The following NUBPL variants were observed in gnomAD, a reference collection of about 807,000 sequenced individuals.
The protein encoded by NUBPL is NUBP iron-sulfur cluster assembly factor, mitochondrial, also known as iron-sulfur cluster transfer protein NUBPL.
Under a neutral mutation model 45.7 loss-of-function variants are expected in NUBPL, and 31 were observed. That is an observed-to-expected ratio of 0.68 (90% CI 0.51 to 0.92). The LOEUF (loss-of-function observed/expected upper bound fraction) is 0.92, where lower values mean the gene tolerates loss of function less well. Ranked by LOEUF, NUBPL falls within the 40% of genes least tolerant of loss-of-function variation. NUBPL has a pLI of 0.00. For missense variants in NUBPL, 401 were observed against 398.7 expected, an observed-to-expected ratio of 1.01 and a Z score of -0.05; for synonymous variants, 144 against 140.9, an observed-to-expected ratio of 1.02 and a Z score of -0.15.
chr14:31,715,995 A>AT (rs979437787), intron 6 of NUBPL, among the ~76,000 whole-genome samples: 6 of 151,316 alleles, frequency 4.0e-5, no homozygotes, highest in African/African-American at 1.5e-4. Flanking sequence ...TTCTGTTAAA[A>AT]TTTTTTTTTC....
At chr14:31,566,685 C>G (rs1247499089) in intron 3 of NUBPL, among the ~76,000 whole-genome samples, 3 of 151,874 alleles carry the variant, frequency 2.0e-5, no homozygotes, top group Non-Finnish European at 4.4e-5. Context: ...GTGACTAACA[C>G]CAGCAAAATT....
At chr14:31,666,453 C>T (rs920298998) in intron 4 of NUBPL, among the ~76,000 whole-genome samples, 54 of 151,150 alleles carry the variant, frequency 3.6e-4, no homozygotes, top group African/African-American at 9.2e-4. Context: ...TTAGTAGAGA[C>T]AGGGTTTGAC....
intron 6 of NUBPL, among the ~76,000 whole-genome samples, chr14:31,757,015 A>G (rs1371833913): frequency 1.3e-5 from 2 of 152,050 alleles, no homozygotes; most frequent in East Asian, 3.9e-4. Context: ...ATTAATTTGC[A>G]TATATTGAAC....
chr14:31,768,216 A>G (rs1415288575), intron 6 of NUBPL, among the ~76,000 whole-genome samples: 4 of 152,226 alleles, frequency 2.6e-5, no homozygotes, highest in Non-Finnish European at 5.9e-5. Context: ...GAGCCTATCA[A>G]GCAATAGGGC....
chr14:31,751,181 G>A (rs1018936659), intron 6 of NUBPL, among the ~76,000 whole-genome samples: 1 of 152,038 alleles, frequency 6.6e-6, no homozygotes, highest in Non-Finnish European at 1.5e-5. Flanking sequence ...ATATCATTTG[G>A]CCCCTGGTCC....
intron 6 of NUBPL, among the ~76,000 whole-genome samples, chr14:31,685,533 C>G (rs2036933013): frequency 6.6e-6 from 1 of 151,620 alleles, no homozygotes. Context: ...AGAGGACAGC[C>G]ATACCTTTTA....
chr14:31,703,392 G>T (rs992243094), intron 6 of NUBPL, among the ~76,000 whole-genome samples: 6 of 152,170 alleles, frequency 3.9e-5, no homozygotes, highest in African/African-American at 1.4e-4. Context: ...CTTTTCTGGT[G>T]GAGTGCCCCA....
intron 3 of NUBPL, among the ~76,000 whole-genome samples, chr14:31,598,552 G>A (rs562509536): frequency 5.9e-5 from 9 of 152,326 alleles, no homozygotes; most frequent in African/African-American, 2.2e-4. Context: ...TTTAATAGCG[G>A]ATTTTGTTTT....
chr14:31,647,128 A>G (rs2035876730), intron 4 of NUBPL, among the ~76,000 whole-genome samples: 1 of 151,988 alleles, frequency 6.6e-6, no homozygotes, highest in South Asian at 2.1e-4. Context: ...TATCTTGGAG[A>G]TCACTGAGTT....
At chr14:31,624,032 A>C (rs1205104286) in intron 4 of NUBPL, among the ~76,000 whole-genome samples, 1 of 152,198 alleles carries the variant, frequency 6.6e-6, no homozygotes. Context: ...AGCATTGTGA[A>C]GGAAACGTAA....
At chr14:31,563,084 G>A (rs1325814607) in intron 2 of NUBPL, among the ~76,000 whole-genome samples, 1 of 152,052 alleles carries the variant, frequency 6.6e-6, no homozygotes, top group Non-Finnish European at 1.5e-5. Flanking sequence ...ATGAATTCAT[G>A]TGCTCTCCTG....
At chr14:31,658,635 C>T (rs1423850822) in intron 4 of NUBPL, among the ~76,000 whole-genome samples, 1 of 151,990 alleles carries the variant, frequency 6.6e-6, no homozygotes, top group Admixed American at 6.6e-5. Flanking sequence ...ACCTCAGCCT[C>T]CTGAGTAGCT....
intron 6 of NUBPL, among the ~76,000 whole-genome samples, chr14:31,713,064 A>G (rs1480338953): frequency 6.6e-6 from 1 of 152,174 alleles, no homozygotes; most frequent in Admixed American, 6.5e-5. Flanking sequence ...CAGTTCTTTG[A>G]TACTTTTTGA....
At chr14:31,704,158 T>C (rs958590235) in intron 6 of NUBPL, among the ~76,000 whole-genome samples, 3 of 152,122 alleles carry the variant, frequency 2.0e-5, no homozygotes, top group Admixed American at 2.0e-4. Flanking sequence ...GGCCTCTTGC[T>C]AGCTCTCAGG....
intron 6 of NUBPL, among the ~76,000 whole-genome samples, chr14:31,755,204 G>T (rs955523720): frequency 3.3e-5 from 5 of 152,038 alleles, no homozygotes; most frequent in Admixed American, 3.3e-4. Flanking sequence ...AGTCCTTTGG[G>T]TATATACCCA....
rs753811175 is a variant in NUBPL, at chr14:31,790,220, C to G, written c.607+2347C>G. ...TTACTTTTCTTTAAGCCCCTTTGGACAAGATTTATGATTAAATTACCCTAT... is the reference window on the plus strand; with the variant it reads ...TTACTTTTCTTTAAGCCCCTTTGGAGAAGATTTATGATTAAATTACCCTAT... On this transcript the variant is annotated intron_variant, in intron 7 of 10. Coordinates refer to ENST00000281081, the MANE Select transcript of NUBPL (RefSeq NM_025152.3). 1.3e-4 allele frequency among the ~76,000 whole-genome samples: 20 copies of G among 152,246 alleles called. No homozygotes were observed. In the Middle Eastern group the frequency reaches 0.01, roughly 78 times the overall value.
chr14:31,614,083 C>A (rs1227172882), intron 4 of NUBPL, among the ~76,000 whole-genome samples: 1 of 151,890 alleles, frequency 6.6e-6, no homozygotes, highest in Admixed American at 6.6e-5. Context: ...ATGGATGGGG[C>A]TTATGGGGGA....
chr14:31,676,091 C>G (rs185798837), intron 6 of NUBPL, among the ~76,000 whole-genome samples: 1 of 151,288 alleles, frequency 6.6e-6, no homozygotes, highest in Non-Finnish European at 1.5e-5. Flanking sequence ...AGTGCCATCT[C>G]AGCTCACTGC....
chr14:31,855,233 A>G (rs753534213), intron 10 of NUBPL, among the ~76,000 whole-genome samples: 1 of 152,252 alleles, frequency 6.6e-6, no homozygotes, highest in Non-Finnish European at 1.5e-5. Context: ...ATAAAGATGT[A>G]TGGGTGAAAA....
Sources: allele counts gnomAD v4.1 joint callset (sites outside exome capture counted in the v4.1 genomes callset), GRCh38; gene constraint gnomAD v4.1.1; transcripts MANE v1.5; gene names NCBI Gene and HGNC (gene_info 2026-07-23, HGNC 2026-07-21).